The following SGCD variants were observed in gnomAD, a reference collection of about 807,000 sequenced individuals.
The protein encoded by SGCD is sarcoglycan delta.
A neutral mutation model predicts 36.6 loss-of-function variants in SGCD; 18 were observed. The observed-to-expected ratio is 0.49, with a 90% confidence interval of 0.34 to 0.73. The LOEUF (loss-of-function observed/expected upper bound fraction) is 0.73, where lower values mean the gene tolerates loss of function less well. Ranked by LOEUF, SGCD falls within the 30% of genes least tolerant of loss-of-function variation. The pLI is 0.01. For synonymous variants in SGCD, 133 were observed against 130.6 expected (o/e 1.02, Z -0.12); for missense variants, 387 against 346.7 (o/e 1.12, Z -0.92).
intron 3 of SGCD, among the ~76,000 whole-genome samples, chr5:156,362,474 C>T (rs151030985): frequency 6.6e-6 from 1 of 152,132 alleles, no homozygotes; most frequent in Non-Finnish European, 1.5e-5. Flanking sequence ...GGTGAAACCC[C>T]ATCTCTACTA....
the SGCD span, among the ~76,000 whole-genome samples, chr5:155,864,246 G>A: frequency 6.6e-6 from 1 of 152,210 alleles, no homozygotes; most frequent in Non-Finnish European, 1.5e-5. Context: ...GAGCGCAGTA[G>A]GCGGTTAGTT....
intron 3 of SGCD, among the ~76,000 whole-genome samples, chr5:156,283,179 G>A (rs930398141): frequency 2.6e-5 from 4 of 152,288 alleles, no homozygotes; most frequent in Admixed American, 6.5e-5. Flanking sequence ...AGGAGGATGG[G>A]CAGGGTTTCT....
chr5:156,389,715 G>T (rs55669320), intron 3 of SGCD, among the ~76,000 whole-genome samples: 27,148 of 152,122 alleles, frequency 0.18, 2,521 homozygotes, highest in Middle Eastern at 0.26. Context: ...GGCTGATACA[G>T]GTTTGTGTAC....
intron 7 of SGCD, among the ~76,000 whole-genome samples, chr5:156,703,675 T>C (rs1754619554): frequency 1.3e-5 from 2 of 152,180 alleles, no homozygotes; most frequent in African/African-American, 4.8e-5. Context: ...GGTAGTGTGT[T>C]GAACCTTGAG....
intron 3 of SGCD, among the ~76,000 whole-genome samples, chr5:156,139,426 A>G (rs1216123463): frequency 5.3e-5 from 8 of 152,192 alleles, no homozygotes; most frequent in African/African-American, 1.9e-4. Context: ...TCTAGTCTAA[A>G]CAAGGCTGTC....
At chr5:156,230,006 G>A (rs1179221135) in intron 3 of SGCD, among the ~76,000 whole-genome samples, 1 of 152,130 alleles carries the variant, frequency 6.6e-6, no homozygotes, top group Non-Finnish European at 1.5e-5. Context: ...GTTGTTTCCT[G>A]AAGTTTTGAT....
intron 1 of SGCD, among the ~76,000 whole-genome samples, chr5:155,990,981 A>C (rs933479044): frequency 6.6e-6 from 1 of 152,118 alleles, no homozygotes; most frequent in Non-Finnish European, 1.5e-5. Context: ...GTCACCTGGA[A>C]GGTTGTAAAA....
Position 156,058,808 on chromosome 5 carries a change from C to T in SGCD, c.-281-59070C>T, listed in dbSNP as rs182403183. On this transcript the variant is annotated intron_variant, in intron 1 of 9. Coordinates refer to the SGCD transcript ENST00000517913. ...TGAAATGAGATGATGTCTGGGTTGGCCTCAAAGTAACCTGGAGAAAGGGGA... is the reference window on the plus strand; with the variant it reads ...TGAAATGAGATGATGTCTGGGTTGGTCTCAAAGTAACCTGGAGAAAGGGGA... Among the ~76,000 whole-genome samples, 646 of 145,368 alleles carry T rather than the reference C, an allele frequency of 4.4e-3. 36 individuals carry two copies. The highest frequency in any genetic ancestry group is 0.015 in the African/African-American group (625 of 40,534).
rs558779150 is a variant in SGCD at position 156,343,129 on chromosome 5, T to C, written c.4-1360T>C. 4.0e-4 allele frequency among the ~76,000 whole-genome samples: 61 copies of C among 152,198 alleles called. No individual in the cohort carries two copies. The Middle Eastern group carries it at 0.01, about 25-fold the overall frequency. On this transcript the variant is annotated intron_variant, in intron 2 of 8. Coordinates refer to ENST00000337851, the MANE Select transcript of SGCD (RefSeq NM_000337.6). ...CTAAAAACCAAAAAAAAAAATCATA[T>C]TGTGAACCATCTGGAAGATATCCTA...
chr5:155,831,936 A>G, the SGCD span, among the ~76,000 whole-genome samples: 2 of 152,146 alleles, frequency 1.3e-5, no homozygotes, highest in African/African-American at 4.8e-5. Flanking sequence ...CAAAGCCATT[A>G]AGGGCCCTGA....
chr5:156,753,445 A>G (rs1757224470), intron 7 of SGCD, among the ~76,000 whole-genome samples: 1 of 152,194 alleles, frequency 6.6e-6, no homozygotes, highest in African/African-American at 2.4e-5. Context: ...TGTTGTGGTC[A>G]TTAATTTATG....
At chr5:156,106,785 CAG>C (rs929177987) in intron 1 of SGCD, among the ~76,000 whole-genome samples, 3 of 152,168 alleles carry the variant, frequency 2.0e-5, no homozygotes, top group Non-Finnish European at 4.4e-5. Flanking sequence ...TCTGTGTATA[CAG>C]AGTTAATCCC....
At chr5:155,860,595 C>T in the SGCD span, among the ~76,000 whole-genome samples, 1 of 152,270 alleles carries the variant, frequency 6.6e-6, no homozygotes. Context: ...TACTGAATTT[C>T]AGGTGTGCCT....
At chr5:156,464,833 G>A (rs1028107448) in intron 3 of SGCD, among the ~76,000 whole-genome samples, 1 of 152,128 alleles carries the variant, frequency 6.6e-6, no homozygotes, top group Non-Finnish European at 1.5e-5. Flanking sequence ...GAGTGTAGCA[G>A]AGGTATTGTA....
chr5:156,123,906 C>A (rs1762109306), exon 3 of SGCD: 2 of 152,214 alleles, frequency 1.3e-5, no homozygotes, highest in South Asian at 2.1e-4. Context: ...TATACTGGAA[C>A]CTGTGTGAAG....
chr5:155,884,170 C>A (rs1011798768), intron 1 of SGCD, among the ~76,000 whole-genome samples: 1 of 152,140 alleles, frequency 6.6e-6, no homozygotes, highest in African/African-American at 2.4e-5. Context: ...ATGATGAATC[C>A]TTTACCGAGG....
the SGCD span, among the ~76,000 whole-genome samples, chr5:155,762,929 C>A: frequency 1.3e-5 from 2 of 152,138 alleles, no homozygotes; most frequent in African/African-American, 4.8e-5. Context: ...AGGAACACAT[C>A]AAAAGGGAAT....
intron 1 of SGCD, among the ~76,000 whole-genome samples, chr5:156,097,507 G>A (rs1761409939): frequency 6.6e-6 from 1 of 152,008 alleles, no homozygotes; most frequent in African/African-American, 2.4e-5. Context: ...TTCAGCTATT[G>A]AGTCCATTTA....
chr5:156,205,502 G>A (rs1221376325), intron 3 of SGCD, among the ~76,000 whole-genome samples: 2 of 152,076 alleles, frequency 1.3e-5, no homozygotes, highest in East Asian at 1.9e-4. Context: ...GGCTGTCATC[G>A]TATAAGACAA....
Sources: allele counts gnomAD v4.1 joint callset (sites outside exome capture counted in the v4.1 genomes callset), GRCh38; gene constraint gnomAD v4.1.1; transcripts MANE v1.5; gene names NCBI Gene and HGNC (gene_info 2026-07-23, HGNC 2026-07-21).